SLCO1A2: variants seen among roughly 807,000 people sequenced by gnomAD.
SLCO1A2 encodes solute carrier organic anion transporter family member 1A2.
A neutral mutation model predicts 69.0 loss-of-function variants in SLCO1A2; 67 were observed. That is an observed-to-expected ratio of 0.97 (90% CI 0.80 to 1.19). The LOEUF is 1.19. Among genes scored for constraint, SLCO1A2 ranks in the 50% most tolerant of loss-of-function variants. The probability of loss-of-function intolerance (pLI) is 0.00; values close to 1 mark genes in which losing one functional copy is unlikely to be tolerated. For synonymous variants in SLCO1A2, 260 were observed against 265.9 expected (o/e 0.98, Z 0.22); for missense variants, 787 against 793.7 (o/e 0.99, Z 0.10).
intron 2 of SLCO1A2, among the ~76,000 whole-genome samples, chr12:21,365,185 G>A (rs916964557): frequency 1.3e-5 from 2 of 152,110 alleles, no homozygotes; most frequent in South Asian, 2.1e-4. Context: ...CATGGTACTG[G>A]TACCAAAACA....
chr12:21,311,881 A>ATGCTAGCC (rs1210127400), intron 4 of SLCO1A2: 6 of 152,300 alleles, frequency 3.9e-5, no homozygotes, highest in African/African-American at 1.2e-4. Context: ...AGCTGAGATC[A>ATGCTAGCC]CGCCACTGCA....
intron 1 of SLCO1A2, among the ~76,000 whole-genome samples, chr12:21,408,751 C>T (rs922748869): frequency 7.4e-5 from 11 of 148,950 alleles, no homozygotes; most frequent in African/African-American, 2.0e-4. Context: ...TGTGTGTGTA[C>T]GTGCTCCCGC....
upstream of SLCO1A2, among the ~76,000 whole-genome samples, chr12:21,399,005 G>A (rs1238031667): frequency 6.7e-6 from 1 of 150,228 alleles, no homozygotes; most frequent in Non-Finnish European, 1.5e-5. Flanking sequence ...ATTCAACAGA[G>A]TGTTGGAAGT....
At chr12:21,380,421 C>T (rs12833409) in intron 1 of SLCO1A2, among the ~76,000 whole-genome samples, 24,178 of 152,140 alleles carry the variant, frequency 0.16, 2,000 homozygotes, top group Non-Finnish European at 0.18. Flanking sequence ...GTTAGAGTGA[C>T]TCTATAACAC....
rs867590681 is a variant in SLCO1A2 at position 21,373,504 on chromosome 12, A to G, written c.-63+895T>C. 153 of 974,692 alleles carry G rather than the reference A, an allele frequency of 1.6e-4. 3 individuals are homozygous for G. The highest frequency in any genetic ancestry group is 8.5e-4 in the South Asian group (66 of 77,888). The allele number at this position is 974,692 out of a possible 1,614,324, so 60.4% of individuals were successfully genotyped here. ...AGAAAATTAGAATTAAATACTGTCA[A>G]ATAACTACAGCCTTAGATTTCTGAC... On this transcript the variant is annotated intron_variant, in intron 2 of 15. Transcript: ENST00000307378.
intron 3 of SLCO1A2, among the ~76,000 whole-genome samples, chr12:21,315,518 C>T (rs746135046): frequency 2.0e-5 from 3 of 152,070 alleles, no homozygotes; most frequent in Non-Finnish European, 4.4e-5. Context: ...ATAAAGAATG[C>T]CTCTGCAATG....
intron 2 of SLCO1A2, among the ~76,000 whole-genome samples, chr12:21,368,540 A>T (rs1939557454): frequency 6.6e-6 from 1 of 152,088 alleles, no homozygotes. Flanking sequence ...ATTCCCATAA[A>T]TTGTATGTTT....
rs748291472 is a variant in SLCO1A2 at position 21,314,630 on chromosome 12, C to T, written c.254G>A (p.Arg85Lys). ...ACATCCAATGCCAATCATTATAGGT[C>T]TATGCAGTTTGGTTCCAAAATAACT... is the stretch of plus-strand genomic sequence containing the variant. Reference protein sequence around the residue: ...FVSYFGTKLHRPIMIGIGCVV... With the variant: ...FVSYFGTKLHKPIMIGIGCVV... Residue 85 changes from arginine to lysine, a missense_variant, in exon 4 of 15, where the codon AGA becomes AAA. Arg to Lys is a conservative substitution (Grantham distance 26, BLOSUM62 2). Coordinates refer to ENST00000683939, the MANE Select transcript of SLCO1A2 (RefSeq NM_001386879.1). 3 of 1,612,870 alleles carry T rather than the reference C, an allele frequency of 1.9e-6. No homozygotes were observed. The highest frequency in any genetic ancestry group is 2.5e-6 in the Non-Finnish European group (3 of 1,178,884).
chr12:21,285,709 C>G (rs1245437367), intron 12 of SLCO1A2, among the ~76,000 whole-genome samples: 1 of 145,206 alleles, frequency 6.9e-6, no homozygotes. Context: ...TCAATATACG[C>G]AAATCAATAA....
chr12:21,279,698 AG>A (rs1465386760), intron 12 of SLCO1A2, among the ~76,000 whole-genome samples: 1 of 152,244 alleles, frequency 6.6e-6, no homozygotes, highest in Non-Finnish European at 1.5e-5. Flanking sequence ...GAAATGCTAA[AG>A]GGAGTACTTC....
At chr12:21,275,330 T>C in intron 13 of SLCO1A2, 30 bp downstream of exon 13, 1 of 1,516,806 alleles carries the variant, frequency 6.6e-7, no homozygotes. Context: ...ATTGTTCTGA[T>C]AGGATGTGGG....
intron 8 of SLCO1A2, among the ~76,000 whole-genome samples, chr12:21,299,825 C>T (rs1047197750): frequency 3.5e-4 from 45 of 129,572 alleles, no homozygotes; most frequent in African/African-American, 1.1e-3. Flanking sequence ...CACACATATA[C>T]ACACACATAT....
intron 4 of SLCO1A2, among the ~76,000 whole-genome samples, chr12:21,307,854 T>C (rs115691486): frequency 1.0e-3 from 155 of 152,294 alleles, no homozygotes; most frequent in African/African-American, 3.6e-3. Flanking sequence ...TTCTGTGCTA[T>C]AGGATATAAT....
At chr12:21,403,325 A>T (rs1941766888) in intron 1 of SLCO1A2, 2 of 152,144 alleles carry the variant, frequency 1.3e-5, no homozygotes, top group African/African-American at 4.8e-5. Flanking sequence ...AGAATCTTAT[A>T]CTTATAACTA....
At chr12:21,355,575 T>A (rs1938303995) in intron 2 of SLCO1A2, among the ~76,000 whole-genome samples, 1 of 152,180 alleles carries the variant, frequency 6.6e-6, no homozygotes, top group African/African-American at 2.4e-5. Context: ...ATATTACCCT[T>A]AATCCCCCAT....
At chr12:21,351,443 AT>A (rs200016727) in intron 2 of SLCO1A2, among the ~76,000 whole-genome samples, 2,996 of 152,008 alleles carry the variant, frequency 0.02, 50 homozygotes, top group Non-Finnish European at 0.035. Context: ...GGTGCCTTGC[AT>A]TTTTTTTAGA....
At chr12:21,341,124 C>T (rs1257401085) in intron 2 of SLCO1A2, among the ~76,000 whole-genome samples, 1 of 151,880 alleles carries the variant, frequency 6.6e-6, no homozygotes, top group Non-Finnish European at 1.5e-5. Flanking sequence ...AAGTCACACA[C>T]CTTATAAGTG....
chr12:21,378,325 G>A (rs1466929132), intron 1 of SLCO1A2: 1 of 1,614,134 alleles, frequency 6.2e-7, no homozygotes. Flanking sequence ...CAACAACTTT[G>A]GTGCCATTCT....
chr12:21,402,984 G>A (rs1254174105), intron 1 of SLCO1A2, among the ~76,000 whole-genome samples: 4 of 151,876 alleles, frequency 2.6e-5, no homozygotes, highest in Non-Finnish European at 5.9e-5. Context: ...GACAACTAAT[G>A]TTCTGAGATT....
Sources: gnomAD v4.1 joint callset for allele counts (sites outside exome capture counted in the v4.1 genomes callset) on GRCh38, gnomAD v4.1.1 for gene constraint, MANE v1.5 for transcripts, NCBI Gene and HGNC (gene_info 2026-07-23, HGNC 2026-07-21) for gene names.